The following ADAMTSL1 variants were observed in gnomAD, a reference collection of about 807,000 sequenced individuals.
ADAMTSL1 encodes the protein ADAMTS-like protein 1.
In ADAMTSL1, 126 loss-of-function variants were observed where a neutral mutation model predicts 201.8. The ratio of observed to expected loss-of-function variants is 0.62; its 90% CI spans 0.54 to 0.72. ADAMTSL1 has a LOEUF of 0.72. Ranked by LOEUF, ADAMTSL1 falls within the 30% of genes least tolerant of loss-of-function variation. The pLI, the probability that ADAMTSL1 is intolerant of heterozygous loss-of-function variation, is 0.00. For missense variants in ADAMTSL1, 2,679 were observed against 2,277.8 expected, an observed-to-expected ratio of 1.18 and a Z score of -3.59; for synonymous variants, 1,121 against 903.4, an observed-to-expected ratio of 1.24 and a Z score of -4.32.
intron 4 of ADAMTSL1, among the ~76,000 whole-genome samples, chr9:18,584,646 C>T (rs147037285): frequency 7.2e-5 from 11 of 152,248 alleles, no homozygotes; most frequent in African/African-American, 2.6e-4. Context: ...TAGGTGTCAA[C>T]TTGACCAGAT....
At chr9:18,590,370 T>C (rs568185073) in intron 4 of ADAMTSL1, among the ~76,000 whole-genome samples, 1 of 152,248 alleles carries the variant, frequency 6.6e-6, no homozygotes, top group African/African-American at 2.4e-5. Flanking sequence ...GTTTCCTTTT[T>C]CATCTCTGAT....
At chr9:18,157,149 GA>G (rs1437581021) in intron 1 of ADAMTSL1, among the ~76,000 whole-genome samples, 2 of 152,000 alleles carry the variant, frequency 1.3e-5, no homozygotes, top group Non-Finnish European at 2.9e-5. Context: ...TAACAAGTTA[GA>G]GAAATGCCAT....
intron 1 of ADAMTSL1, among the ~76,000 whole-genome samples, chr9:18,034,290 T>G (rs1198061222): frequency 1.3e-5 from 2 of 152,134 alleles, no homozygotes; most frequent in Admixed American, 1.3e-4. Context: ...GCATCTGCCC[T>G]GTGGCTCCAC....
intron 15 of ADAMTSL1, chr9:18,723,543 G>T (rs1817676648): frequency 1.2e-5 from 2 of 160,822 alleles, no homozygotes; most frequent in South Asian, 1.8e-4. Flanking sequence ...TGACCCTTTT[G>T]TTGACTCACA....
chr9:18,885,084 A>C (rs974254025), intron 23 of ADAMTSL1, among the ~76,000 whole-genome samples: 2 of 152,268 alleles, frequency 1.3e-5, no homozygotes, highest in Middle Eastern at 3.4e-3. Flanking sequence ...TGTCGTTTTC[A>C]GTGTTCAAGA....
intron 2 of ADAMTSL1, among the ~76,000 whole-genome samples, chr9:18,468,497 A>T (rs1039388410): frequency 6.6e-6 from 1 of 152,106 alleles, no homozygotes; most frequent in Non-Finnish European, 1.5e-5. Context: ...TCCTACTTGT[A>T]TCAGGCTCTG....
chr9:18,343,073 C>G (rs960476075), intron 2 of ADAMTSL1, among the ~76,000 whole-genome samples: 1 of 151,272 alleles, frequency 6.6e-6, no homozygotes, highest in Non-Finnish European at 1.5e-5. Flanking sequence ...CACCTGCAGT[C>G]TCAGCACTTT....
In ADAMTSL1 at chr9:18,268,985, C is replaced by T. The variant is rs1031505273; in HGVS notation, c.207+105004C>T. Among the ~76,000 whole-genome samples the T allele has an allele frequency of 4.6e-5, 7 of 151,988 alleles. No individual in the cohort carries two copies. The East Asian group carries it at 1.4e-3, about 29-fold the overall frequency. Reference sequence around the variant, plus strand: ...ACGCTATTGTAAGCAAAATATCCACCTACAAAATGGTATTTCTTATAGTTT... The same window carrying T: ...ACGCTATTGTAAGCAAAATATCCACTTACAAAATGGTATTTCTTATAGTTT... On this transcript the variant is annotated intron_variant, in intron 2 of 29. Transcript: ENST00000680146.
chr9:18,089,683 G>C (rs1287564290), intron 1 of ADAMTSL1, among the ~76,000 whole-genome samples: 2 of 152,140 alleles, frequency 1.3e-5, no homozygotes, highest in Non-Finnish European at 2.9e-5. Context: ...GACAAATATG[G>C]CATGATTCCA....
intron 9 of ADAMTSL1, among the ~76,000 whole-genome samples, chr9:18,674,948 C>A (rs1830052905): frequency 6.6e-6 from 1 of 152,112 alleles, no homozygotes; most frequent in Admixed American, 6.5e-5. Context: ...TGCAGGGACC[C>A]ACCAGTCTTA....
intron 1 of ADAMTSL1, among the ~76,000 whole-genome samples, chr9:17,994,009 G>A (rs545976581): frequency 1.3e-5 from 2 of 151,256 alleles, no homozygotes; most frequent in East Asian, 3.9e-4. Flanking sequence ...TTTTTAATTC[G>A]ATTTTTTTTG....
At chr9:18,148,872 C>G (rs1463146176) in intron 1 of ADAMTSL1, among the ~76,000 whole-genome samples, 1 of 152,060 alleles carries the variant, frequency 6.6e-6, no homozygotes, top group Non-Finnish European at 1.5e-5. Context: ...ATAAGATAGG[C>G]TCTAAGTCTA....
At chr9:18,029,990 G>T (rs1206037370) in intron 1 of ADAMTSL1, among the ~76,000 whole-genome samples, 3 of 151,854 alleles carry the variant, frequency 2.0e-5, no homozygotes, top group Admixed American at 2.0e-4. Context: ...TCAGTGTGGC[G>T]ATTCCTCAGG....
At position 18,753,479 on chromosome 9, in the gene ADAMTSL1, C is replaced by G. The variant is rs902886614; in HGVS notation, c.2188C>G (p.Pro730Ala). 4 of 1,612,928 alleles carry G rather than the reference C, an allele frequency of 2.5e-6. No individual in the cohort carries two copies. In the East Asian group the frequency reaches 8.9e-5, roughly 36 times the overall value. The part of the protein sequence containing the change: ...VQACNRFNCP[P>A]AWYPAQWQPC... ...AGCTTGTAACCGCTTTAATTGCCCC[C>G]CAGCCTGGTACCCTGCACAGTGGCA... is the stretch of plus-strand genomic sequence containing the variant. Residue 730 changes from proline to alanine, a missense_variant, in exon 16 of 29, where the codon CCA (proline) becomes GCA (alanine). By Grantham distance (27) the Pro-to-Ala change is conservative. Transcript: ENST00000380548.
In ADAMTSL1 at chr9:18,908,270, G is replaced by T. The variant is rs1004070323; in HGVS notation, c.5183-172G>T. 6 of 636,264 alleles carry T rather than the reference G, an allele frequency of 9.4e-6. No homozygotes were observed. The East Asian group carries it at 1.7e-4, about 18-fold the overall frequency. The allele number at this position is 636,264 out of a possible 1,614,324, so 39.4% of individuals were successfully genotyped here. ...CCCCTGCTGTTGGCAGCCTTGGGGAGCAAGTGGCTGAGCTCTGTCAAAGTT... is the reference window on the plus strand; with the variant it reads ...CCCCTGCTGTTGGCAGCCTTGGGGATCAAGTGGCTGAGCTCTGTCAAAGTT... On this transcript the variant is annotated intron_variant, in intron 28 of 28. Transcript: ENST00000380548.
intron 23 of ADAMTSL1, among the ~76,000 whole-genome samples, chr9:18,836,096 C>T (rs574001562): frequency 6.6e-5 from 10 of 152,228 alleles, no homozygotes; most frequent in East Asian, 1.9e-4. Context: ...CTTTCCACAG[C>T]GGCTAAACTA....
At chr9:18,035,078 T>C (rs1287963916) in intron 1 of ADAMTSL1, among the ~76,000 whole-genome samples, 1 of 152,230 alleles carries the variant, frequency 6.6e-6, no homozygotes, top group Non-Finnish European at 1.5e-5. Flanking sequence ...GAAGTTACTC[T>C]AATTTAAAAA....
intron 1 of ADAMTSL1, among the ~76,000 whole-genome samples, chr9:17,951,133 TC>T (rs1262344236): frequency 3.9e-5 from 6 of 152,112 alleles, no homozygotes; most frequent in Admixed American, 2.0e-4. Flanking sequence ...ATAGATGAAC[TC>T]GCCTAGAGCA....
At chr9:18,733,007 C>G (rs1009099129) in intron 15 of ADAMTSL1, among the ~76,000 whole-genome samples, 1 of 152,196 alleles carries the variant, frequency 6.6e-6, no homozygotes, top group African/African-American at 2.4e-5. Context: ...TATCTTGTAA[C>G]TAGCCAGTGG....
Sources: allele counts gnomAD v4.1 joint callset (sites outside exome capture counted in the v4.1 genomes callset), GRCh38; gene constraint gnomAD v4.1.1; transcripts MANE v1.5; gene names NCBI Gene and HGNC (gene_info 2026-07-23, HGNC 2026-07-21).